BRCA2: variants seen among roughly 807,000 people sequenced by gnomAD.
BRCA2 encodes the protein breast cancer type 2 susceptibility protein.
In BRCA2, 203 loss-of-function variants were observed where a neutral mutation model predicts 276.7. That is an observed-to-expected ratio of 0.73 (90% confidence interval 0.65 to 0.82). The LOEUF (loss-of-function observed/expected upper bound fraction) is 0.82. BRCA2 is among the 40% of genes least tolerant of loss of function. The pLI, the probability that BRCA2 is intolerant of heterozygous loss-of-function variation, is 0.00. For missense variants in BRCA2, 3,920 were observed against 3,915.0 expected (o/e 1.00, Z -0.03); for synonymous variants, 1,289 against 1,338.4 (o/e 0.96, Z 0.81).
At chr13:32,329,935 C>G (rs139071723) in intron 8 of BRCA2, among the ~76,000 whole-genome samples, 1 of 151,852 alleles carries the variant, frequency 6.6e-6, no homozygotes, top group Non-Finnish European at 1.5e-5. Context: ...AACAAAATAC[C>G]GTAATAAAAG....
rs538036012 is a variant in BRCA2, at chr13:32,323,302, G to A, written c.317-1774G>A. On this transcript the variant is annotated intron_variant, in intron 3 of 26. Coordinates refer to ENST00000380152, the MANE Select transcript of BRCA2 (RefSeq NM_000059.4). Reference sequence around the variant, plus strand: ...TGAGTAGCTGGGACTACAGGCACCCGCCACCACACCTGGCTGATTTTTTTG... The same window carrying A: ...TGAGTAGCTGGGACTACAGGCACCCACCACCACACCTGGCTGATTTTTTTG... Among the ~76,000 whole-genome samples the A allele has an allele frequency of 4.6e-4, 70 of 152,068 alleles. 1 individual carries two copies. The highest frequency in any genetic ancestry group is 8.3e-4 in the South Asian group (4 of 4,816).
Position 32,339,482 on chromosome 13 carries a change from T to G in BRCA2, c.5127T>G (p.Asp1709Glu). ...DGQPERINTADYVGNYLYENN... is the reference protein window; with the variant it reads ...DGQPERINTAEYVGNYLYENN... Reference sequence around the variant, plus strand: ...AACCAGAAAGAATAAATACTGCAGATTATGTAGGAAATTATTTGTATGAAA... The same window carrying G: ...AACCAGAAAGAATAAATACTGCAGAGTATGTAGGAAATTATTTGTATGAAA... The change falls in exon 11 of 27, where the codon GAT becomes GAG. Residue 1709 changes from aspartate (D) to glutamate (E), a missense_variant. Asp to Glu is a conservative substitution (Grantham distance 45). Transcript: ENST00000380152. 6.3e-7 allele frequency: 1 copy of G among 1,583,092 alleles called. No individual in the cohort carries two copies. Among genetic ancestry groups the G allele is most frequent in the Non-Finnish European group, 8.6e-7 (1 of 1,166,708 alleles).
Position 32,350,278 on chromosome 13 carries a change from A to G in BRCA2, c.7007+3382A>G, listed in dbSNP as rs554288978. On this transcript the variant is annotated intron_variant, in intron 13 of 26. Transcript: ENST00000380152. Reference sequence around the variant, plus strand: ...AAACAACTTAGAAGAAACATTATTCAAGGAGAAGAAAAAATGTTTTTTTAA... The same window carrying G: ...AAACAACTTAGAAGAAACATTATTCGAGGAGAAGAAAAAATGTTTTTTTAA... Among the ~76,000 whole-genome samples, 6 of 152,290 alleles carry G rather than the reference A, an allele frequency of 3.9e-5. No individual in the cohort carries two copies. In the South Asian group the frequency reaches 1.2e-3, roughly 32 times the overall value.
Position 32,362,549 on chromosome 13 carries a change from A to G in BRCA2, c.7832A>G (p.Asp2611Gly), listed in dbSNP as rs80359010. The change falls in exon 17 of 27, where the codon GAT (aspartate) becomes GGT (glycine). Residue 2611 changes from aspartate (D) to glycine (G), a missense_variant. By Grantham distance (94) the Asp-to-Gly change is moderately conservative (BLOSUM62 -1). Around this residue, in one of 2 missense-constraint regions of BRCA2, gnomAD observed 3,263 missense variants for 3,156.9 expected, o/e 1.03. Transcript: ENST00000380152. Reference sequence around the variant, plus strand: ...GCTCTGTGTGACACTCCAGGTGTGGATCCAAAGCTTATTTCTAGAATTTGG... The same window carrying G: ...GCTCTGTGTGACACTCCAGGTGTGGGTCCAAAGCTTATTTCTAGAATTTGG... The part of the protein sequence containing the change: ...YRALCDTPGV[D>G]PKLISRIWVY... 1 of 1,614,004 alleles carries G rather than the reference A, an allele frequency of 6.2e-7. No individual in the cohort carries two copies.
intron 13 of BRCA2, among the ~76,000 whole-genome samples, chr13:32,349,996 A>G (rs922871658): frequency 1.3e-5 from 2 of 152,174 alleles, no homozygotes; most frequent in Admixed American, 6.5e-5. Flanking sequence ...TAATATATGC[A>G]TATTGAATGT....
At chr13:32,329,381 C>CA in intron 7 of BRCA2, 62 bp from the exon 8 acceptor site, 1 of 1,243,554 alleles carries the variant, frequency 8.0e-7, no homozygotes, top group Non-Finnish European at 1.2e-6. Flanking sequence ...TGATGTCTGA[C>CA]AAAAAATAAG....
chr13:32,322,480 G>A (rs1403644960), intron 3 of BRCA2, among the ~76,000 whole-genome samples: 1 of 152,190 alleles, frequency 6.6e-6, no homozygotes, highest in Non-Finnish European at 1.5e-5. Flanking sequence ...CTGGGCCGAA[G>A]TAAAGGGATG....
rs80358720 is a variant in BRCA2 at position 32,339,309 on chromosome 13, G to A, written c.4954G>A (p.Ala1652Thr). Residue 1652 changes from alanine (A) to threonine (T), a missense_variant, in exon 11 of 27, where the codon GCA (alanine) becomes ACA (threonine). Physicochemically the swap from Ala to Thr is moderately conservative, Grantham distance 58. Coordinates refer to ENST00000380152, the MANE Select transcript of BRCA2 (RefSeq NM_000059.4). ...AGAAAAAGAAACAGCAAAAAGTCCTGCAACTTGTTACACAAATCAGTCCCC... is the reference window on the plus strand; with the variant it reads ...AGAAAAAGAAACAGCAAAAAGTCCTACAACTTGTTACACAAATCAGTCCCC... ...NVEKETAKSPATCYTNQSPYS... is the reference protein window; with the variant it reads ...NVEKETAKSPTTCYTNQSPYS... The A allele has an allele frequency of 6.2e-7, 1 of 1,603,476 alleles. No homozygotes were observed. Among genetic ancestry groups the A allele is most frequent in the Non-Finnish European group, 8.5e-7 (1 of 1,176,444 alleles).
chr13:32,326,159 A>T lies in BRCA2; in HGVS notation c.475+9A>T, dbSNP rs2072344911. On this transcript the variant is annotated intron_variant, in intron 5 of 26. Coordinates refer to ENST00000380152, the MANE Select transcript of BRCA2 (RefSeq NM_000059.4). Reference sequence around the variant, plus strand: ...ACAAAGAGATAAGTCAGGTATGATTAAAAACAATGCTTTTTATTCTTAGAA... The same window carrying T: ...ACAAAGAGATAAGTCAGGTATGATTTAAAACAATGCTTTTTATTCTTAGAA... The T allele has an allele frequency of 3.1e-6, 5 of 1,608,914 alleles. No homozygotes were observed. The East Asian group carries it at 8.9e-5, about 29-fold the overall frequency.
chr13:32,379,367 G>A lies in BRCA2; in HGVS notation c.8805G>A (p.Met2935Ile), dbSNP rs730881568. ...QLRALNNHRQ[M>I]LNDKKQAQIQ... ...GAGCCTTGAATAATCACAGGCAAAT[G>A]TTGAATGATAAGAAACAAGCTCAGA... Residue 2935 changes from methionine (M) to isoleucine (I), a missense_variant, in exon 22 of 27, where the codon ATG becomes ATA. Transcript: ENST00000380152. The A allele has an allele frequency of 1.2e-6, 2 of 1,613,848 alleles. No individual in the cohort carries two copies. Among genetic ancestry groups the A allele is most frequent in the Non-Finnish European group, 1.7e-6 (2 of 1,179,858 alleles).
intron 2 of BRCA2, 70 bp downstream of exon 2, chr13:32,316,597 A>C (rs2072263377): frequency 1.5e-6 from 2 of 1,336,286 alleles, no homozygotes; most frequent in Non-Finnish European, 1.1e-6. Flanking sequence ...GCTTGCTAAA[A>C]ACCCAGTACG....
At chr13:32,334,969 G>A (rs1392809217) in intron 10 of BRCA2, among the ~76,000 whole-genome samples, 2 of 152,214 alleles carry the variant, frequency 1.3e-5, no homozygotes, top group African/African-American at 2.4e-5. Context: ...TGAGACCACA[G>A]TACAGAACTG....
At position 32,337,105 on chromosome 13, in the gene BRCA2, TA is replaced by T. The variant is rs886040444; in HGVS notation, c.2753del (p.Asn918ThrfsTer42). On this transcript the variant is annotated frameshift_variant, in exon 11 of 27. Coordinates refer to ENST00000380152, the MANE Select transcript of BRCA2 (RefSeq NM_000059.4). LOFTEE classifies it high-confidence loss of function. ...KELHETDLTC[V>X]NEPIFKNSTM... The stretch of plus-strand genomic sequence containing the variant: ...CTTCATGAAACAGACTTGACTTGTG[TA>T]AACGAACCCATTTTCAAGAACTCTA... 6.2e-7 allele frequency: 1 copy of T among 1,613,814 alleles called. No individual in the cohort carries two copies.
chr13:32,317,130 C>T (rs535229664), intron 2 of BRCA2, among the ~76,000 whole-genome samples: 115 of 152,276 alleles, frequency 7.6e-4, no homozygotes, highest in Admixed American at 1.4e-3. Flanking sequence ...ACCCTGGAGG[C>T]AGAGGTTGCA....
chr13:32,329,375 G>T, intron 7 of BRCA2, 68 bp from the exon 8 acceptor site: 1 of 1,126,566 alleles, frequency 8.9e-7, no homozygotes, highest in South Asian at 1.4e-5. Context: ...GCTTTTTGAT[G>T]TCTGACAAAA....
chr13:32,341,014 A>C lies in BRCA2; in HGVS notation c.6659A>C (p.Glu2220Ala). The stretch of plus-strand genomic sequence containing the variant: ...TGTTCTACTTACTCCAAAGATTCAG[A>C]AAACTACTTTGAAACAGAAGCAGTA... ...EVCSTYSKDS[E>A]NYFETEAVEI... The change falls in exon 11 of 27, where the codon GAA becomes GCA. Residue 2220 changes from glutamate (E) to alanine (A), a missense_variant. Glu to Ala is a moderately radical substitution (Grantham distance 107). This residue lies in a region of BRCA2 where 3,263 missense variants were observed against 3,156.9 expected (regional missense o/e 1.03). Coordinates refer to ENST00000380152, the MANE Select transcript of BRCA2 (RefSeq NM_000059.4). 1.9e-6 allele frequency: 3 copies of C among 1,613,236 alleles called. No individual in the cohort carries two copies. Among genetic ancestry groups the C allele is most frequent in the Non-Finnish European group, 2.5e-6 (3 of 1,179,788 alleles).
chr13:32,365,902 G>A (rs1428726081), intron 18 of BRCA2, among the ~76,000 whole-genome samples: 2 of 151,118 alleles, frequency 1.3e-5, no homozygotes, highest in Admixed American at 1.3e-4. Flanking sequence ...CCTGATGTTT[G>A]GACACTAGGC....
chr13:32,352,041 T>G (rs1210693484), intron 13 of BRCA2, among the ~76,000 whole-genome samples: 1 of 152,136 alleles, frequency 6.6e-6, no homozygotes, highest in African/African-American at 2.4e-5. Flanking sequence ...GACCTCGTGA[T>G]CCGCCCACCT....
chr13:32,328,777 G>T (rs527516168), intron 7 of BRCA2, among the ~76,000 whole-genome samples: 2 of 152,242 alleles, frequency 1.3e-5, no homozygotes, highest in Non-Finnish European at 2.9e-5. Flanking sequence ...TTAATGAGGT[G>T]TCCTGTATTT....
Sources: allele counts gnomAD v4.1 joint callset (sites outside exome capture counted in the v4.1 genomes callset), GRCh38; gene constraint gnomAD v4.1.1; regional missense constraint gnomAD v4.1.1; transcripts MANE v1.5; gene names NCBI Gene and HGNC (gene_info 2026-07-23, HGNC 2026-07-21).